Variants in PCDH15 observed in about 807,000 individuals in gnomAD.
PCDH15 encodes protocadherin-15.
PCDH15 carries 129 observed loss-of-function variants against 178.5 expected under a neutral mutation model. The observed-to-expected ratio is 0.72, with a 90% CI of 0.63 to 0.84. The LOEUF (loss-of-function observed/expected upper bound fraction) is 0.84, where lower values mean the gene tolerates loss of function less well. PCDH15 is among the 40% of genes least tolerant of loss of function. The pLI, the probability that PCDH15 is intolerant of heterozygous loss-of-function variation, is 0.00. For missense variants in PCDH15, 2,230 were observed against 2,099.9 expected, an observed-to-expected ratio of 1.06 and a Z score of -1.21; for synonymous variants, 800 against 732.0, an observed-to-expected ratio of 1.09 and a Z score of -1.50.
At chr10:54,675,534 C>T (rs575612392) in intron 1 of PCDH15, among the ~76,000 whole-genome samples, 2 of 140,860 alleles carry the variant, frequency 1.4e-5, no homozygotes, top group South Asian at 4.8e-4. Context: ...TTTCATTTTA[C>T]TTTATTTTTA....
At chr10:55,627,763 A>G (rs1490013342) in intron 1 of PCDH15, 2 of 152,056 alleles carry the variant, frequency 1.3e-5, no homozygotes, top group Non-Finnish European at 2.9e-5. Flanking sequence ...ACTAGTTACC[A>G]ATTGAGAAAA....
chr10:54,015,770 C>T (rs1363399712), intron 20 of PCDH15, among the ~76,000 whole-genome samples: 2 of 152,032 alleles, frequency 1.3e-5, no homozygotes, highest in East Asian at 1.9e-4. Flanking sequence ...TTGAAGACTT[C>T]AATGTCAAAC....
intron 10 of PCDH15, among the ~76,000 whole-genome samples, chr10:54,205,451 T>C (rs540472035): frequency 6.7e-6 from 1 of 148,602 alleles, no homozygotes; most frequent in East Asian, 1.9e-4. Flanking sequence ...GCAACAGTAA[T>C]TGGTAACAGG....
chr10:53,987,140 A>AT (rs955312352), intron 21 of PCDH15, among the ~76,000 whole-genome samples: 10 of 152,122 alleles, frequency 6.6e-5, no homozygotes, highest in East Asian at 5.8e-4. Context: ...AAAAATGGAG[A>AT]TTTTTTTAAG....
chr10:54,511,461 T>C (rs2081648724), intron 3 of PCDH15, among the ~76,000 whole-genome samples: 1 of 152,156 alleles, frequency 6.6e-6, no homozygotes, highest in African/African-American at 2.4e-5. Context: ...AGAATAGCAC[T>C]TCACAGATTG....
intron 2 of PCDH15, among the ~76,000 whole-genome samples, chr10:55,148,865 T>A (rs1838605813): frequency 6.7e-6 from 1 of 148,788 alleles, no homozygotes; most frequent in Non-Finnish European, 1.5e-5. Context: ...ATATTATATA[T>A]AATGGGTTTT....
At chr10:55,253,609 T>C (rs1327241863) in intron 1 of PCDH15, among the ~76,000 whole-genome samples, 1 of 151,876 alleles carries the variant, frequency 6.6e-6, no homozygotes, top group African/African-American at 2.4e-5. Flanking sequence ...ATAATAAGTT[T>C]TTTTTTTCTT....
At chr10:53,983,473 A>G (rs1381563306) in intron 21 of PCDH15, among the ~76,000 whole-genome samples, 3 of 151,726 alleles carry the variant, frequency 2.0e-5, no homozygotes, top group Non-Finnish European at 4.4e-5. Context: ...AATGACCAAT[A>G]TGTTTTGACA....
intron 2 of PCDH15, among the ~76,000 whole-genome samples, chr10:55,348,036 T>G (rs1844809889): frequency 6.6e-6 from 1 of 152,042 alleles, no homozygotes; most frequent in African/African-American, 2.4e-5. Flanking sequence ...TTACAAATAA[T>G]ACAAAAATTT....
intron 18 of PCDH15, among the ~76,000 whole-genome samples, chr10:54,037,048 C>T (rs539704874): frequency 8.6e-5 from 13 of 151,914 alleles, no homozygotes; most frequent in Admixed American, 3.9e-4. Flanking sequence ...GAGGTGGAGC[C>T]TGAAGATGTG....
chr10:54,079,307 C>G (rs542895415), intron 17 of PCDH15, 24 bp downstream of exon 17: 1 of 1,602,970 alleles, frequency 6.2e-7, no homozygotes, highest in South Asian at 1.1e-5. Context: ...ATTTTTAAAA[C>G]CCCTTCACAG....
At chr10:54,587,932 G>T (rs1311626429) in intron 2 of PCDH15, among the ~76,000 whole-genome samples, 1 of 152,128 alleles carries the variant, frequency 6.6e-6, no homozygotes, top group East Asian at 1.9e-4. Context: ...GATGTTAAAT[G>T]AATATGTTTT....
intron 26 of PCDH15, among the ~76,000 whole-genome samples, chr10:53,900,252 T>C (rs1407356177): frequency 1.3e-5 from 2 of 151,166 alleles, no homozygotes; most frequent in Non-Finnish European, 2.9e-5. Context: ...TCTCTGTCTG[T>C]CTCTCTCTCC....
chr10:54,770,220 T>A (rs1366958389), intron 1 of PCDH15, among the ~76,000 whole-genome samples: 1 of 152,170 alleles, frequency 6.6e-6, no homozygotes, highest in African/African-American at 2.4e-5. Flanking sequence ...ATGAGTTAAC[T>A]GATTCTGTTA....
intron 2 of PCDH15, among the ~76,000 whole-genome samples, chr10:54,613,493 T>TCTCACACACACA (rs1555098366): frequency 1.4e-5 from 2 of 144,066 alleles, no homozygotes; most frequent in African/African-American, 5.3e-5. Context: ...TGTCTCTCTC[T>TCTCACACACACA]CACACACACA....
chr10:55,152,563 T>G (rs1363645206), intron 2 of PCDH15, among the ~76,000 whole-genome samples: 1 of 152,108 alleles, frequency 6.6e-6, no homozygotes, highest in Non-Finnish European at 1.5e-5. Context: ...GATTAAGACA[T>G]AAGTCAATCT....
intron 3 of PCDH15, among the ~76,000 whole-genome samples, chr10:54,808,295 A>T (rs781362826): frequency 6.6e-6 from 1 of 152,180 alleles, no homozygotes; most frequent in Non-Finnish European, 1.5e-5. Context: ...GCAGCCTTAG[A>T]CAAGGTTGTT....
intron 3 of PCDH15, among the ~76,000 whole-genome samples, chr10:54,882,115 T>C (rs1307205083): frequency 1.3e-5 from 2 of 152,086 alleles, no homozygotes; most frequent in African/African-American, 4.8e-5. Context: ...AGTATTTTAT[T>C]TTAGCATGAA....
intron 21 of PCDH15, among the ~76,000 whole-genome samples, chr10:53,993,991 A>C (rs2134868726): frequency 6.6e-6 from 1 of 152,354 alleles, no homozygotes; most frequent in South Asian, 2.1e-4. Flanking sequence ...CAAAACTGAA[A>C]ACCTCTTCCA....
Sources: gnomAD v4.1 joint callset for allele counts (sites outside exome capture counted in the v4.1 genomes callset) on GRCh38, gnomAD v4.1.1 for gene constraint, MANE v1.5 for transcripts, NCBI Gene and HGNC (gene_info 2026-07-23, HGNC 2026-07-21) for gene names.